The following DLG2 variants were observed in gnomAD, a reference collection of about 807,000 sequenced individuals.
The protein encoded by DLG2 is disks large homolog 2.
A neutral mutation model predicts 132.5 loss-of-function variants in DLG2; 45 were observed. The observed-to-expected ratio is 0.34, with a 90% CI of 0.27 to 0.44. The LOEUF is 0.44. DLG2 is among the 20% of genes least tolerant of loss of function. The probability of loss-of-function intolerance (pLI) is 1.00; values close to 1 mark genes in which losing one functional copy is unlikely to be tolerated. For synonymous variants in DLG2, 424 were observed against 419.6 expected (o/e 1.01, Z -0.13); for missense variants, 1,045 against 1,196.9 (o/e 0.87, Z 1.87).
chr11:83,473,735 C>T lies in DLG2; in HGVS notation c.2294-958G>A, dbSNP rs559422266. ...TAACTTCTGAAACCAAAGGGCAATT[C>T]ACCTTTGCTGTATATCCTCACCACC... On this transcript the variant is annotated intron_variant, in intron 22 of 27. Transcript: ENST00000376104. Among the ~76,000 whole-genome samples the T allele has an allele frequency of 1.3e-4, 20 of 152,206 alleles. 1 individual carries two copies. The South Asian group carries it at 4.1e-3, about 32-fold the overall frequency.
intron 8 of DLG2, among the ~76,000 whole-genome samples, chr11:84,182,039 T>G (rs2096145624): frequency 6.6e-6 from 1 of 152,124 alleles, no homozygotes. Context: ...ATCAAGCACA[T>G]CCATAGACTA....
intron 3 of DLG2, among the ~76,000 whole-genome samples, chr11:85,560,725 T>C (rs1396335046): frequency 6.6e-6 from 1 of 151,826 alleles, no homozygotes; most frequent in African/African-American, 2.4e-5. Flanking sequence ...TCTATAAATA[T>C]GTCTTTTTAA....
intron 3 of DLG2, among the ~76,000 whole-genome samples, chr11:85,561,504 A>G (rs994233645): frequency 3.3e-5 from 5 of 151,678 alleles, no homozygotes; most frequent in African/African-American, 1.2e-4. Flanking sequence ...AGCTTAAGCA[A>G]CTGTTCATCA....
At chr11:85,536,295 A>G (rs1423886150) in intron 3 of DLG2, among the ~76,000 whole-genome samples, 1 of 151,704 alleles carries the variant, frequency 6.6e-6, no homozygotes, top group Non-Finnish European at 1.5e-5. Flanking sequence ...CAATACCCCC[A>G]AAGTACAGTA....
At chr11:83,711,775 T>A (rs1022283715) in intron 18 of DLG2, among the ~76,000 whole-genome samples, 5 of 152,202 alleles carry the variant, frequency 3.3e-5, no homozygotes, top group Non-Finnish European at 7.4e-5. Flanking sequence ...AATCAAAGCA[T>A]GCTCCATGGG....
intron 7 of DLG2, among the ~76,000 whole-genome samples, chr11:84,455,336 A>G (rs946121981): frequency 6.6e-5 from 10 of 151,402 alleles, no homozygotes; most frequent in Non-Finnish European, 1.5e-5. Context: ...AGAAATCCCA[A>G]TTCTATTTTT....
intron 16 of DLG2, among the ~76,000 whole-genome samples, chr11:83,874,214 A>G (rs1022288024): frequency 1.3e-5 from 2 of 151,392 alleles, no homozygotes; most frequent in East Asian, 3.9e-4. Context: ...AGAAAGACAG[A>G]AAAAAAGAAA....
chr11:83,691,397 G>C (rs1006724932), intron 18 of DLG2, among the ~76,000 whole-genome samples: 4 of 152,068 alleles, frequency 2.6e-5, no homozygotes, highest in Non-Finnish European at 5.9e-5. Context: ...CAGGTCAATG[G>C]AACAAAAGTA....
intron 6 of DLG2, among the ~76,000 whole-genome samples, chr11:85,023,689 C>T (rs1453021989): frequency 6.6e-6 from 1 of 151,910 alleles, no homozygotes; most frequent in Non-Finnish European, 1.5e-5. Flanking sequence ...TATCTATGTA[C>T]TATATCTCGA....
chr11:83,588,051 T>C (rs1323705678), intron 19 of DLG2, among the ~76,000 whole-genome samples: 1 of 152,046 alleles, frequency 6.6e-6, no homozygotes, highest in Non-Finnish European at 1.5e-5. Flanking sequence ...GCAGCGAGGC[T>C]AGGGGAGGGG....
At chr11:83,706,596 G>T (rs1166499583) in intron 18 of DLG2, among the ~76,000 whole-genome samples, 1 of 152,206 alleles carries the variant, frequency 6.6e-6, no homozygotes, top group Non-Finnish European at 1.5e-5. Context: ...AGAGGAAAGA[G>T]GAAGCAGGGA....
At chr11:84,421,177 C>T (rs1447620716) in intron 7 of DLG2, among the ~76,000 whole-genome samples, 5 of 152,080 alleles carry the variant, frequency 3.3e-5, no homozygotes, top group Admixed American at 3.3e-4. Flanking sequence ...TGAGCTCTCA[C>T]CAGATATGGA....
intron 6 of DLG2, among the ~76,000 whole-genome samples, chr11:84,745,640 G>C (rs1426961351): frequency 6.6e-6 from 1 of 152,102 alleles, no homozygotes; most frequent in Non-Finnish European, 1.5e-5. Context: ...TAAAAGGCGG[G>C]ATAGCTCCTC....
At chr11:84,941,513 T>C (rs1023616323) in intron 6 of DLG2, among the ~76,000 whole-genome samples, 1 of 152,176 alleles carries the variant, frequency 6.6e-6, no homozygotes, top group Non-Finnish European at 1.5e-5. Context: ...ATTCAATTGA[T>C]TTGATGTATC....
intron 6 of DLG2, among the ~76,000 whole-genome samples, chr11:84,957,527 G>A (rs2051871588): frequency 6.6e-6 from 1 of 152,144 alleles, no homozygotes; most frequent in African/African-American, 2.4e-5. Context: ...GCAGAGGCCA[G>A]TTCTTTTGAG....
chr11:83,797,863 A>G (rs1482507432), intron 17 of DLG2, among the ~76,000 whole-genome samples: 1 of 152,196 alleles, frequency 6.6e-6, no homozygotes, highest in African/African-American at 2.4e-5. Context: ...GGATCTGGTG[A>G]TCCAGGGCAT....
intron 18 of DLG2, among the ~76,000 whole-genome samples, chr11:83,640,753 T>G (rs550359214): frequency 2.0e-5 from 3 of 152,296 alleles, no homozygotes; most frequent in Non-Finnish European, 4.4e-5. Context: ...TCATGTTCTT[T>G]TTAGATGGTA....
intron 7 of DLG2, among the ~76,000 whole-genome samples, chr11:84,491,249 C>T (rs2099164318): frequency 6.6e-6 from 1 of 151,950 alleles, no homozygotes; most frequent in Non-Finnish European, 1.5e-5. Flanking sequence ...GAATCAGGGG[C>T]AGGTCTTTCT....
chr11:84,817,113 G>A (rs1251688117), intron 6 of DLG2, among the ~76,000 whole-genome samples: 3 of 151,986 alleles, frequency 2.0e-5, no homozygotes, highest in African/African-American at 7.2e-5. Flanking sequence ...AATGAAGTAT[G>A]GAATCATAAA....
Sources: allele counts gnomAD v4.1 joint callset (sites outside exome capture counted in the v4.1 genomes callset), GRCh38; gene constraint gnomAD v4.1.1; transcripts MANE v1.5; gene names NCBI Gene and HGNC (gene_info 2026-07-23, HGNC 2026-07-21).